GAB1: variants seen among roughly 807,000 people sequenced by gnomAD.
The protein encoded by GAB1 is GRB2 associated binding protein 1, also known as GRB2-associated-binding protein 1.
GAB1 carries 19 observed loss-of-function variants against 66.5 expected under a neutral mutation model. The observed-to-expected ratio is 0.29, with a 90% CI of 0.20 to 0.42. GAB1 has a LOEUF of 0.42. GAB1 is among the 10% of genes least tolerant of loss of function. The pLI is 1.00. For synonymous variants in GAB1, 294 were observed against 301.4 expected (o/e 0.98, Z 0.25); for missense variants, 732 against 858.5 (o/e 0.85, Z 1.84).
chr4:143,385,570 G>A (rs1328182586), intron 1 of GAB1, among the ~76,000 whole-genome samples: 1 of 152,178 alleles, frequency 6.6e-6, no homozygotes, highest in Non-Finnish European at 1.5e-5. Context: ...TCTTGAGAGA[G>A]TTGCCCTCAT....
chr4:143,441,828 G>A (rs1734259333), intron 6 of GAB1, among the ~76,000 whole-genome samples: 1 of 152,168 alleles, frequency 6.6e-6, no homozygotes, highest in Non-Finnish European at 1.5e-5. Context: ...CCTCCTAGCT[G>A]CTTTTTATGT....
chr4:143,432,006 TAA>T (rs1026476315), intron 2 of GAB1, among the ~76,000 whole-genome samples: 5 of 152,194 alleles, frequency 3.3e-5, no homozygotes, highest in African/African-American at 1.2e-4. Flanking sequence ...AAAGACAGCT[TAA>T]ATGCAAGGCT....
chr4:143,373,872 T>TAAATAAATATATATATATATAC (rs1420451021), intron 1 of GAB1, among the ~76,000 whole-genome samples: 1 of 111,086 alleles, frequency 9.0e-6, no homozygotes, highest in African/African-American at 4.7e-5. Flanking sequence ...TAAATAAATA[T>TAAATAAATATATATATATATAC]ATATATATAT....
chr4:143,378,911 G>A (rs1866756), intron 1 of GAB1, among the ~76,000 whole-genome samples: 58,271 of 151,786 alleles, frequency 0.38, 11,430 homozygotes, highest in South Asian at 0.5. Flanking sequence ...GACCAAACAG[G>A]GGCAGCCTCT....
chr4:143,338,712 G>GGTGTGT lies in GAB1; in HGVS notation c.72+1465_72+1470dup, dbSNP rs56381817. 1.7e-3 allele frequency among the ~76,000 whole-genome samples: 250 copies of GGTGTGT among 149,244 alleles called. 2 individuals carry two copies. The highest frequency in any genetic ancestry group is 1.2e-3 in the Non-Finnish European group (83 of 67,420). On this transcript the variant is annotated intron_variant, in intron 1 of 9. Transcript: ENST00000262994. ...CAGCTGTTCTAAAGAGAAAGGTAGGGGTGTGTGTGTGTGTGTGTATGTGAC... is the reference window on the plus strand; with the variant it reads ...CAGCTGTTCTAAAGAGAAAGGTAGGGGTGTGTGTGTGTGTGTGTGTGTGTATGTGAC...
chr4:143,379,899 A>T (rs566981566), intron 1 of GAB1, among the ~76,000 whole-genome samples: 31 of 151,796 alleles, frequency 2.0e-4, no homozygotes, highest in African/African-American at 5.8e-4. Context: ...ATATGTATTA[A>T]GTAAGGTAAT....
Position 143,433,631 on chromosome 4 carries a change from C to G in GAB1, c.508C>G (p.His170Asp). Residue 170 changes from histidine (H) to aspartate (D), a missense_variant, in exon 3 of 10, where the codon CAC (histidine) becomes GAC (aspartate). Physicochemically the swap from His to Asp is moderately conservative, Grantham distance 81. Around this residue, in one of 4 missense-constraint regions of GAB1, gnomAD observed 427 missense variants for 420.6 expected, o/e 1.02. Coordinates refer to ENST00000262994, the MANE Select transcript of GAB1 (RefSeq NM_002039.4). The part of the protein sequence containing the change: ...PPYQLINVPP[H>D]LETLGIQEDP... ...ATATCAGCTAATCAATGTTCCACCA[C>G]ACCTGGAAACTCTTGGCATTCAGGA... 6.2e-7 allele frequency: 1 copy of G among 1,613,978 alleles called. No individual in the cohort carries two copies. The highest frequency in any genetic ancestry group is 1.1e-5 in the South Asian group (1 of 91,084).
rs1321263063 is a variant in GAB1, at chr4:143,367,632, C to A, written c.72+30372C>A. On this transcript the variant is annotated intron_variant, in intron 1 of 9. Coordinates refer to ENST00000262994, the MANE Select transcript of GAB1 (RefSeq NM_002039.4). ...TCTGTAATAAATTCTCCTGTAAGTGCAAAGGCTGAGGGTATGTCTTCCATG... is the reference window on the plus strand; with the variant it reads ...TCTGTAATAAATTCTCCTGTAAGTGAAAAGGCTGAGGGTATGTCTTCCATG... Among the ~76,000 whole-genome samples, 4 of 148,884 alleles carry A rather than the reference C, an allele frequency of 2.7e-5. No homozygotes were observed. The East Asian group carries it at 7.9e-4, about 29-fold the overall frequency.
chr4:143,393,638 A>G (rs933949030), intron 1 of GAB1, among the ~76,000 whole-genome samples: 5 of 152,142 alleles, frequency 3.3e-5, no homozygotes, highest in Non-Finnish European at 5.9e-5. Flanking sequence ...GATCATGTAA[A>G]CTAATTTTGG....
chr4:143,337,003 GC>G lies in GAB1; in HGVS notation c.-184del. On this transcript the variant is annotated 5_prime_UTR_variant, in exon 1 of 10. Coordinates refer to ENST00000262994, the MANE Select transcript of GAB1 (RefSeq NM_002039.4). ...GCTCGCGTTCTGTTCAGGTTCGTGG[GC>G]CTGCAGAGGAGAGACTCGAACTCGT... is the stretch of plus-strand genomic sequence containing the variant. 1 of 573,422 alleles carries G rather than the reference GC, an allele frequency of 1.7e-6. No individual in the cohort carries two copies. Among genetic ancestry groups the G allele is most frequent in the Non-Finnish European group, 3.1e-6 (1 of 322,698 alleles). The allele number at this position is 573,422 out of a possible 1,614,324, so 35.5% of individuals were successfully genotyped here.
chr4:143,379,056 GA>G (rs1280606639), intron 1 of GAB1, among the ~76,000 whole-genome samples: 1 of 151,964 alleles, frequency 6.6e-6, no homozygotes, highest in East Asian at 1.9e-4. Flanking sequence ...AATGTGTTAT[GA>G]AAAAAAGGGG....
intron 6 of GAB1, chr4:143,457,839 T>C (rs998052830): frequency 5.9e-6 from 5 of 852,524 alleles, no homozygotes; most frequent in African/African-American, 5.4e-5. Flanking sequence ...TTGTTTTTTT[T>C]CTAAAAATAA....
At chr4:143,401,594 A>G (rs1298598666) in intron 1 of GAB1, among the ~76,000 whole-genome samples, 1 of 152,222 alleles carries the variant, frequency 6.6e-6, no homozygotes, top group African/African-American at 2.4e-5. Flanking sequence ...CATTTCAGTT[A>G]GGACTTCACC....
intron 1 of GAB1, among the ~76,000 whole-genome samples, chr4:143,389,274 G>C (rs1216846053): frequency 6.6e-6 from 1 of 152,168 alleles, no homozygotes; most frequent in Non-Finnish European, 1.5e-5. Flanking sequence ...TCAAATACTT[G>C]CGTATGCTGG....
At chr4:143,384,664 T>C (rs1730818288) in intron 1 of GAB1, among the ~76,000 whole-genome samples, 1 of 152,222 alleles carries the variant, frequency 6.6e-6, no homozygotes, top group African/African-American at 2.4e-5. Flanking sequence ...GGGAGAGCTC[T>C]TCCCTTCTGC....
chr4:143,412,174 G>C (rs538757861), intron 1 of GAB1, among the ~76,000 whole-genome samples: 6 of 152,288 alleles, frequency 3.9e-5, no homozygotes, highest in Admixed American at 1.3e-4. Flanking sequence ...GGAATGGATG[G>C]GGGGGAGCCA....
At chr4:143,438,645 A>G (rs1330875543) in intron 4 of GAB1, 45 bp downstream of exon 4, 1 of 1,558,012 alleles carries the variant, frequency 6.4e-7, no homozygotes, top group Non-Finnish European at 8.7e-7. Flanking sequence ...TAATGATAGA[A>G]AATCGATTTT....
chr4:143,452,375 G>A (rs1007099473), intron 6 of GAB1, among the ~76,000 whole-genome samples: 3 of 152,156 alleles, frequency 2.0e-5, no homozygotes, highest in African/African-American at 7.2e-5. Flanking sequence ...CAAAGGGAGG[G>A]TATGAATCAT....
chr4:143,374,170 A>G (rs1730314469), intron 1 of GAB1, among the ~76,000 whole-genome samples: 1 of 151,968 alleles, frequency 6.6e-6, no homozygotes, highest in Admixed American at 6.6e-5. Context: ...ACTCCACTCA[A>G]ATGCCCAAGA....
Sources: allele counts gnomAD v4.1 joint callset (sites outside exome capture counted in the v4.1 genomes callset), GRCh38; gene constraint gnomAD v4.1.1; regional missense constraint gnomAD v4.1.1; transcripts MANE v1.5; gene names NCBI Gene and HGNC (gene_info 2026-07-23, HGNC 2026-07-21).